Variants in BAZ2B observed in about 807,000 individuals in gnomAD.
BAZ2B encodes the protein bromodomain adjacent to zinc finger domain protein 2B.
A neutral mutation model predicts 246.0 loss-of-function variants in BAZ2B; 91 were observed. The observed-to-expected ratio is 0.37, with a 90% confidence interval of 0.31 to 0.44. BAZ2B has a LOEUF of 0.44. BAZ2B is among the 20% of genes least tolerant of loss of function. BAZ2B has a pLI of 1.00. For synonymous variants in BAZ2B, 855 were observed against 860.0 expected (o/e 0.99, Z 0.10); for missense variants, 2,332 against 2,533.7 (o/e 0.92, Z 1.71).
the BAZ2B span, among the ~76,000 whole-genome samples, chr2:159,661,990 G>T: frequency 6.6e-6 from 1 of 152,080 alleles, no homozygotes; most frequent in Non-Finnish European, 1.5e-5. Flanking sequence ...CCATGAGACA[G>T]GTATTCCCTT....
At chr2:159,653,147 G>A in the BAZ2B span, among the ~76,000 whole-genome samples, 1 of 151,732 alleles carries the variant, frequency 6.6e-6, no homozygotes, top group Non-Finnish European at 1.5e-5. Context: ...CACCATGTTG[G>A]CCAGGCTAGT....
chr2:159,513,787 C>T (rs2083167709), intron 2 of BAZ2B, among the ~76,000 whole-genome samples: 1 of 152,156 alleles, frequency 6.6e-6, no homozygotes, highest in Non-Finnish European at 1.5e-5. Context: ...CTAAACATAG[C>T]AGCTGGAGTG....
intron 36 of BAZ2B, among the ~76,000 whole-genome samples, chr2:159,321,027 C>A (rs904436536): frequency 1.3e-5 from 2 of 152,148 alleles, no homozygotes; most frequent in African/African-American, 4.8e-5. Context: ...CTAGAGGTAA[C>A]ATTATGAGGG....
the BAZ2B span, among the ~76,000 whole-genome samples, chr2:159,637,183 G>T: frequency 5.9e-5 from 9 of 152,300 alleles, no homozygotes; most frequent in African/African-American, 2.2e-4. Flanking sequence ...AGGGGACTTT[G>T]TCTTGCACCT....
intron 3 of BAZ2B, among the ~76,000 whole-genome samples, chr2:159,469,287 G>T (rs2077481472): frequency 6.6e-6 from 1 of 151,974 alleles, no homozygotes; most frequent in Non-Finnish European, 1.5e-5. Flanking sequence ...GACATTAAAA[G>T]AATGAGGCAA....
rs1343180909 is a variant in BAZ2B at position 159,481,286 on chromosome 2, T to C, written c.-2-2565A>G. ...TGAGAAGGCAATGCCTTTGTAATTGTGAAATTGTATAACTGTGAAAAATCC... is the reference window on the plus strand; with the variant it reads ...TGAGAAGGCAATGCCTTTGTAATTGCGAAATTGTATAACTGTGAAAAATCC... On this transcript the variant is annotated intron_variant, in intron 2 of 36. Coordinates refer to ENST00000392783, the MANE Select transcript of BAZ2B (RefSeq NM_013450.4). Among the ~76,000 whole-genome samples the C allele has an allele frequency of 5.9e-5, 9 of 152,158 alleles. No individual in the cohort carries two copies. In the East Asian group the frequency reaches 1.5e-3, roughly 26 times the overall value.
chr2:159,589,109 G>A (rs1227790349), intron 1 of BAZ2B, among the ~76,000 whole-genome samples: 1 of 152,138 alleles, frequency 6.6e-6, no homozygotes, highest in Non-Finnish European at 1.5e-5. Flanking sequence ...TTAAGAGAAC[G>A]AGAAAAATTT....
rs1186829261 is a variant in BAZ2B at position 159,501,201 on chromosome 2, ATT to A, written c.-2-22482_-2-22481del. Among the ~76,000 whole-genome samples, 4 of 104,944 alleles carry A rather than the reference ATT, an allele frequency of 3.8e-5. 1 individual carries two copies. The highest frequency in any genetic ancestry group is 5.6e-5 in the Non-Finnish European group (3 of 53,576). 68.8% of individuals were successfully genotyped at this position (104,944 alleles called of 152,430 possible). Reference sequence around the variant, plus strand: ...ATATATATTTATATATAATATATATATTTTTATATATATTATATATATATTTA... The same window carrying A: ...ATATATATTTATATATAATATATATATTTATATATATTATATATATATTTA... On this transcript the variant is annotated intron_variant, in intron 2 of 36. Transcript: ENST00000392783.
At chr2:159,593,969 G>A (rs148299172) in intron 1 of BAZ2B, among the ~76,000 whole-genome samples, 45 of 152,278 alleles carry the variant, frequency 3.0e-4, no homozygotes, top group Middle Eastern at 3.4e-3. Flanking sequence ...ATTTTTAAGT[G>A]TACAATTAGC....
At chr2:159,620,027 C>T (rs895897168), upstream of BAZ2B, among the ~76,000 whole-genome samples, 28 of 152,104 alleles carry the variant, frequency 1.8e-4, 1 homozygote, top group Admixed American at 1.8e-3. Flanking sequence ...TTTACCTATC[C>T]CACAGACTAT....
chr2:159,514,549 T>C (rs534189310), intron 2 of BAZ2B, among the ~76,000 whole-genome samples: 4 of 152,308 alleles, frequency 2.6e-5, no homozygotes, highest in African/African-American at 9.6e-5. Context: ...AAATCAAGTG[T>C]GTAAGCACCT....
intron 30 of BAZ2B, among the ~76,000 whole-genome samples, chr2:159,347,897 G>A (rs543129345): frequency 6.6e-6 from 1 of 152,208 alleles, no homozygotes; most frequent in East Asian, 1.9e-4. Context: ...ATAGTTTGTT[G>A]AGTAAAACAG....
intron 27 of BAZ2B, among the ~76,000 whole-genome samples, chr2:159,351,622 T>G (rs546624522): frequency 6.6e-6 from 1 of 152,314 alleles, no homozygotes; most frequent in African/African-American, 2.4e-5. Flanking sequence ...TGAAACTGGA[T>G]GCTGTCAGTA....
chr2:159,448,422 CA>C lies in BAZ2B; in HGVS notation c.335-14del. On this transcript the variant is annotated splice_polypyrimidine_tract_variant and intron_variant, in intron 4 of 36. Coordinates refer to ENST00000392783, the MANE Select transcript of BAZ2B (RefSeq NM_013450.4). ...CACCATTCTGCACCTCAAAACCAAACAAACCAACCAAACAAAAATATATAAA... is the reference window on the plus strand; with the variant it reads ...CACCATTCTGCACCTCAAAACCAAACAACCAACCAAACAAAAATATATAAA... The C allele has an allele frequency of 6.6e-7, 1 of 1,524,664 alleles. No individual in the cohort carries two copies. Among genetic ancestry groups the C allele is most frequent in the Non-Finnish European group, 8.8e-7 (1 of 1,141,496 alleles). The allele number at this position is 1,524,664 out of a possible 1,614,324, so 94.4% of individuals were successfully genotyped here.
intron 10 of BAZ2B, among the ~76,000 whole-genome samples, chr2:159,430,503 C>T (rs995307556): frequency 3.9e-5 from 6 of 152,168 alleles, no homozygotes; most frequent in Non-Finnish European, 7.4e-5. Context: ...TGTAGATTTT[C>T]GATTGTGTGT....
intron 1 of BAZ2B, among the ~76,000 whole-genome samples, chr2:159,593,094 C>T (rs1188922828): frequency 6.6e-6 from 1 of 152,108 alleles, no homozygotes; most frequent in African/African-American, 2.4e-5. Flanking sequence ...AATTTAAGCC[C>T]CCAACTCCAT....
chr2:159,512,571 C>T (rs1304452626), intron 2 of BAZ2B, among the ~76,000 whole-genome samples: 1 of 152,126 alleles, frequency 6.6e-6, no homozygotes, highest in Non-Finnish European at 1.5e-5. Context: ...TGGATTAAAA[C>T]TCATTCTTCA....
At chr2:159,682,713 A>G in the BAZ2B span, among the ~76,000 whole-genome samples, 1 of 152,218 alleles carries the variant, frequency 6.6e-6, no homozygotes, top group Non-Finnish European at 1.5e-5. Flanking sequence ...TATAACGAGA[A>G]GACAGAACAG....
chr2:159,485,906 G>T (rs1243171152), intron 2 of BAZ2B, among the ~76,000 whole-genome samples: 1 of 152,020 alleles, frequency 6.6e-6, no homozygotes, highest in Non-Finnish European at 1.5e-5. Context: ...ACCTGATGGT[G>T]AGAAATTATC....
Sources: gnomAD v4.1 joint callset for allele counts (sites outside exome capture counted in the v4.1 genomes callset) on GRCh38, gnomAD v4.1.1 for gene constraint, MANE v1.5 for transcripts, NCBI Gene and HGNC (gene_info 2026-07-23, HGNC 2026-07-21) for gene names.